PSME4: variants seen among roughly 807,000 people sequenced by gnomAD.
PSME4 encodes the protein proteasome activator subunit 4.
In PSME4, 89 loss-of-function variants were observed where a neutral mutation model predicts 253.9. The observed-to-expected ratio is 0.35, with a 90% CI of 0.30 to 0.42. The LOEUF is 0.42. Ranked by LOEUF, PSME4 falls within the 10% of genes least tolerant of loss-of-function variation. PSME4 has a pLI of 1.00. For synonymous variants in PSME4, 851 were observed against 759.2 expected (o/e 1.12, Z -1.99); for missense variants, 2,014 against 2,195.2 (o/e 0.92, Z 1.65).
chr2:53,906,483 G>C (rs931983036), intron 26 of PSME4, 115 bp downstream of exon 26: 1 of 1,364,168 alleles, frequency 7.3e-7, no homozygotes, highest in Admixed American at 2.8e-5. Context: ...ATAATTGAGA[G>C]AATAATTCCA....
At chr2:53,914,047 C>A (rs554933312) in intron 20 of PSME4, among the ~76,000 whole-genome samples, 1 of 151,970 alleles carries the variant, frequency 6.6e-6, no homozygotes, top group South Asian at 2.1e-4. Flanking sequence ...TTTCTTTGAG[C>A]GAAAAGTTAG....
rs185432285 is a variant in PSME4, at chr2:53,919,330, G to A, written c.2421-84C>T. ...GAGCCTAGCACAGAAGTTTTCTCAC[G>A]TGGGGATATAAATGATTAAGGTAAA... is the stretch of plus-strand genomic sequence containing the variant. On this transcript the variant is annotated intron_variant, in intron 19 of 46. Transcript: ENST00000404125. 298 of 1,433,282 alleles carry A rather than the reference G, an allele frequency of 2.1e-4. No homozygotes were observed. In the African/African-American group the frequency reaches 2.2e-3, roughly 11 times the overall value. 88.8% of individuals were successfully genotyped at this position (1,433,282 alleles called of 1,614,324 possible).
chr2:53,936,052 T>C (rs1386772718), intron 7 of PSME4, 35 bp downstream of exon 7: 4 of 1,604,056 alleles, frequency 2.5e-6, no homozygotes, highest in Non-Finnish European at 2.6e-6. Context: ...TACCACCCCA[T>C]GCCTGATAAT....
chr2:53,913,691 A>G (rs774962587), intron 20 of PSME4, among the ~76,000 whole-genome samples: 14 of 152,252 alleles, frequency 9.2e-5, no homozygotes, highest in East Asian at 5.8e-4. Flanking sequence ...AACACAAATG[A>G]AAACCTGGCT....
chr2:53,899,940 G>A lies in PSME4; in HGVS notation c.3363C>T (p.Ser1121=), dbSNP rs368543416. 6.1e-5 allele frequency: 98 copies of A among 1,613,108 alleles called. No individual in the cohort carries two copies. The highest frequency in any genetic ancestry group is 1.1e-4 in the South Asian group (10 of 91,056). The change falls in exon 29 of 47, where the codon AGC becomes AGT. Residue 1121 remains serine, a synonymous_variant. Coordinates refer to ENST00000404125, the MANE Select transcript of PSME4 (RefSeq NM_014614.3). ...TAATTCCTTCCTTAATTTTTTCTGG[G>A]CTAAGCAATATCTGGTTGATAGAGG... ...KNPSINQILL[S]PEKIKEGIKR...
intron 14 of PSME4, among the ~76,000 whole-genome samples, chr2:53,923,913 C>CAAAAAAAA (rs199929436): frequency 1.8e-4 from 17 of 96,868 alleles, no homozygotes; most frequent in South Asian, 2.8e-4. Context: ...ACAGAGTTAA[C>CAAAAAAAA]AAAAAAAAAA....
chr2:53,872,606 G>A (rs1678929027), intron 43 of PSME4, among the ~76,000 whole-genome samples: 1 of 151,740 alleles, frequency 6.6e-6, no homozygotes, highest in South Asian at 2.1e-4. Flanking sequence ...ATTCCGTGTG[G>A]TGGCAAATAC....
intron 4 of PSME4, 57 bp from the exon 5 acceptor site, chr2:53,937,597 G>C (rs770033593): frequency 1.5e-5 from 23 of 1,521,472 alleles, no homozygotes; most frequent in Non-Finnish European, 2.1e-5. Context: ...CTCTACAACA[G>C]CAATATATAT....
At chr2:53,954,875 A>C (rs747656595) in intron 1 of PSME4, among the ~76,000 whole-genome samples, 1 of 151,896 alleles carries the variant, frequency 6.6e-6, no homozygotes, top group Non-Finnish European at 1.5e-5. Flanking sequence ...AATTCAGAAT[A>C]TCAAAGTCAA....
intron 3 of PSME4, among the ~76,000 whole-genome samples, chr2:53,940,962 T>TATATAC: frequency 1.9e-5 from 1 of 51,636 alleles, no homozygotes; most frequent in East Asian, 7.5e-4. Context: ...CATATATATA[T>TATATAC]ATATATATAT....
chr2:53,960,808 T>C (rs1670461337), intron 1 of PSME4, among the ~76,000 whole-genome samples: 1 of 152,270 alleles, frequency 6.6e-6, no homozygotes, highest in Non-Finnish European at 1.5e-5. Context: ...TATCACCTGG[T>C]TTGAAAACCA....
At chr2:53,915,284 T>G (rs1430300493) in intron 20 of PSME4, among the ~76,000 whole-genome samples, 1 of 151,984 alleles carries the variant, frequency 6.6e-6, no homozygotes, top group African/African-American at 2.4e-5. Context: ...CCACAAAAAA[T>G]ACAAAAATTA....
intron 38 of PSME4, 108 bp downstream of exon 38, chr2:53,888,613 T>C: frequency 1.4e-6 from 1 of 692,996 alleles, no homozygotes; most frequent in Non-Finnish European, 2.4e-6. Flanking sequence ...CAGAAGAAAG[T>C]AATTACTTCA....
chr2:53,924,791 T>C (rs116551690), intron 14 of PSME4, among the ~76,000 whole-genome samples: 2,388 of 152,200 alleles, frequency 0.016, 17 homozygotes, highest in Non-Finnish European at 0.022. Flanking sequence ...TTTCTTGTTG[T>C]TCATGGTAGT....
intron 26 of PSME4, among the ~76,000 whole-genome samples, chr2:53,904,432 G>A (rs557511219): frequency 3.4e-4 from 52 of 152,134 alleles, no homozygotes; most frequent in Non-Finnish European, 4.9e-4. Flanking sequence ...CATTTGCTCA[G>A]TAACATAGCT....
chr2:53,889,663 A>C (rs805404), intron 37 of PSME4, among the ~76,000 whole-genome samples: 44,268 of 152,148 alleles, frequency 0.29, 6,868 homozygotes, highest in South Asian at 0.47. Context: ...TAAATGGATT[A>C]TCTTCAATCA....
chr2:53,865,096 C>A lies in PSME4; in HGVS notation c.*482G>T, dbSNP rs1678503945. On this transcript the variant is annotated 3_prime_UTR_variant, in exon 47 of 47. Transcript: ENST00000404125. ...CTCTTTTCCTTCCCTCTTCATGGCT[C>A]TCCAGACCCAAGGTTCTCAAGGCTT... 6.5e-6 allele frequency: 1 copy of A among 152,762 alleles called. No individual in the cohort carries two copies. Among genetic ancestry groups the A allele is most frequent in the South Asian group, 2.1e-4 (1 of 4,830 alleles). 9.5% of individuals were successfully genotyped at this position (152,762 alleles called of 1,614,324 possible).
At chr2:53,898,384 C>A in intron 29 of PSME4, 30 bp from the exon 30 acceptor site, 2 of 1,464,934 alleles carry the variant, frequency 1.4e-6, no homozygotes, top group Non-Finnish European at 1.9e-6. Flanking sequence ...TATTATTTTA[C>A]TATAATACTA....
At chr2:53,890,815 ATCAGGAGT>A in intron 36 of PSME4, among the ~76,000 whole-genome samples, 1 of 152,102 alleles carries the variant, frequency 6.6e-6, no homozygotes, top group Non-Finnish European at 1.5e-5. Flanking sequence ...ATCACTTGAA[ATCAGGAGT>A]TCAAGATCAA....
Sources: allele counts gnomAD v4.1 joint callset (sites outside exome capture counted in the v4.1 genomes callset), GRCh38; gene constraint gnomAD v4.1.1; transcripts MANE v1.5; gene names NCBI Gene and HGNC (gene_info 2026-07-23, HGNC 2026-07-21).